Variants in SASH1 observed in about 807,000 individuals in gnomAD.
SASH1 encodes SAM and SH3 domain-containing protein 1.
Under a neutral mutation model 125.2 loss-of-function variants are expected in SASH1, and 44 were observed. The observed-to-expected ratio is 0.35, with a 90% CI of 0.28 to 0.45. SASH1 has a LOEUF of 0.45. Ranked by LOEUF, SASH1 falls within the 20% of genes least tolerant of loss-of-function variation. The pLI is 1.00. For missense variants in SASH1, 1,426 were observed against 1,614.5 expected (o/e 0.88, Z 2.00); for synonymous variants, 639 against 649.1 (o/e 0.98, Z 0.24).
intron 4 of SASH1, among the ~76,000 whole-genome samples, chr6:148,460,372 A>G (rs1038586259): frequency 3.9e-5 from 6 of 152,220 alleles, no homozygotes; most frequent in Admixed American, 6.5e-5. Context: ...GAGAATTTAG[A>G]TCTTTCAGTG....
intron 8 of SASH1, among the ~76,000 whole-genome samples, chr6:148,493,085 G>A (rs983815628): frequency 1.3e-5 from 2 of 152,136 alleles, no homozygotes; most frequent in South Asian, 2.1e-4. Flanking sequence ...GCTGAGAGGC[G>A]TAGGTGATGA....
chr6:148,400,076 G>A (rs1175048090), intron 2 of SASH1, among the ~76,000 whole-genome samples: 1 of 152,254 alleles, frequency 6.6e-6, no homozygotes, highest in Non-Finnish European at 1.5e-5. Context: ...TCTGAAGTGA[G>A]ACAAAATGTA....
At chr6:148,505,083 A>G (rs1426983372) in intron 8 of SASH1, among the ~76,000 whole-genome samples, 1 of 152,210 alleles carries the variant, frequency 6.6e-6, no homozygotes, top group Non-Finnish European at 1.5e-5. Flanking sequence ...TCTAGACTTC[A>G]CATTCAAGGT....
chr6:148,523,125 A>C (rs1780915262), intron 10 of SASH1, among the ~76,000 whole-genome samples: 3 of 152,208 alleles, frequency 2.0e-5, no homozygotes, highest in Non-Finnish European at 4.4e-5. Context: ...TTTCCACATA[A>C]ATTCTTTGTC....
intron 1 of SASH1, among the ~76,000 whole-genome samples, chr6:148,363,607 G>T (rs1450651389): frequency 6.6e-6 from 1 of 151,852 alleles, no homozygotes; most frequent in Admixed American, 6.6e-5. Context: ...TCACCATCTT[G>T]GCCATGCTGG....
At chr6:148,437,604 A>G (rs1045815841) in intron 2 of SASH1, among the ~76,000 whole-genome samples, 1 of 152,212 alleles carries the variant, frequency 6.6e-6, no homozygotes, top group African/African-American at 2.4e-5. Flanking sequence ...AGTTCTAGCT[A>G]CTTGGGAGGC....
At chr6:148,530,592 T>G (rs547026610) in intron 12 of SASH1, among the ~76,000 whole-genome samples, 12 of 152,334 alleles carry the variant, frequency 7.9e-5, no homozygotes, top group African/African-American at 2.9e-4. Context: ...TTAAGGCCCT[T>G]CTGATGACTC....
intron 7 of SASH1, among the ~76,000 whole-genome samples, chr6:148,477,887 G>C (rs1387741242): frequency 2.0e-5 from 3 of 151,878 alleles, no homozygotes; most frequent in Non-Finnish European, 4.4e-5. Flanking sequence ...AGTAGAGACA[G>C]TGTTTCACCA....
In SASH1 at chr6:148,387,302, T is replaced by C. The variant is rs1783413637; in HGVS notation, c.157-2832T>C. Among the ~76,000 whole-genome samples the C allele has an allele frequency of 2.6e-5, 4 of 151,980 alleles. No homozygotes were observed. In the South Asian group the frequency reaches 8.3e-4, roughly 32 times the overall value. On this transcript the variant is annotated intron_variant, in intron 1 of 19. Coordinates refer to ENST00000367467, the MANE Select transcript of SASH1 (RefSeq NM_015278.5). ...CCAGCTAATTTTTTTGTATTTTTAG[T>C]AGAGACGGGGTTTCACCATGTTGGT...
intron 8 of SASH1, among the ~76,000 whole-genome samples, chr6:148,498,234 CAAAAAAAAA>C (rs67287043): frequency 6.0e-5 from 8 of 133,544 alleles, no homozygotes; most frequent in Non-Finnish European, 1.2e-4. Flanking sequence ...AACAAACAAA[CAAAAAAAAA>C]AAAACAAAAA....
At chr6:148,415,326 C>T (rs1473590845) in intron 2 of SASH1, among the ~76,000 whole-genome samples, 1 of 152,172 alleles carries the variant, frequency 6.6e-6, no homozygotes, top group Non-Finnish European at 1.5e-5. Flanking sequence ...CCTTTCCTTC[C>T]TATTAAATAG....
intron 2 of SASH1, among the ~76,000 whole-genome samples, chr6:148,407,529 A>G (rs1186406995): frequency 6.6e-6 from 1 of 152,218 alleles, no homozygotes; most frequent in Non-Finnish European, 1.5e-5. Flanking sequence ...TAATGCTGCT[A>G]TGAACATGAG....
chr6:148,339,857 C>T (rs1187010025), upstream of SASH1, among the ~76,000 whole-genome samples: 1 of 152,120 alleles, frequency 6.6e-6, no homozygotes, highest in Non-Finnish European at 1.5e-5. Flanking sequence ...TTTAATTACA[C>T]TGATGCGGGT....
intron 8 of SASH1, chr6:148,512,964 A>G: frequency 1.0e-6 from 1 of 985,430 alleles, no homozygotes; most frequent in Non-Finnish European, 1.2e-6. Context: ...GTGAGGACAG[A>G]GGCCAGGACA....
chr6:148,211,376 G>T, the SASH1 span, among the ~76,000 whole-genome samples: 1 of 151,756 alleles, frequency 6.6e-6, no homozygotes, highest in East Asian at 1.9e-4. Context: ...TTCAAGACCA[G>T]CCTGGCCAAC....
chr6:148,208,908 A>G, the SASH1 span, among the ~76,000 whole-genome samples: 3 of 152,246 alleles, frequency 2.0e-5, no homozygotes, highest in East Asian at 1.9e-4. Context: ...GCCATTTGCT[A>G]TAATACCTTT....
intron 2 of SASH1, among the ~76,000 whole-genome samples, chr6:148,390,931 T>G (rs1783689112): frequency 6.6e-6 from 1 of 152,146 alleles, no homozygotes; most frequent in African/African-American, 2.4e-5. Context: ...CTTTCGTTCC[T>G]TTTTTCTTTT....
chr6:148,501,794 G>A (rs1779570320), intron 8 of SASH1, among the ~76,000 whole-genome samples: 1 of 152,116 alleles, frequency 6.6e-6, no homozygotes, highest in South Asian at 2.1e-4. Flanking sequence ...CTGCAGAATT[G>A]GGGTGGGAGG....
At chr6:148,305,708 C>CAGACCCAGTG (rs1261628247) in intron 1 of SASH1, among the ~76,000 whole-genome samples, 1 of 151,514 alleles carries the variant, frequency 6.6e-6, no homozygotes, top group Non-Finnish European at 1.5e-5. Context: ...AAACAACTGG[C>CAGACCCAGTG]AGACCCAGTG....
Sources: allele counts gnomAD v4.1 joint callset (sites outside exome capture counted in the v4.1 genomes callset), GRCh38; gene constraint gnomAD v4.1.1; transcripts MANE v1.5; gene names NCBI Gene and HGNC (gene_info 2026-07-23, HGNC 2026-07-21).